Variants in CCDC102B observed in about 807,000 individuals in gnomAD.
CCDC102B encodes coiled-coil domain containing 102B.
CCDC102B carries 75 observed loss-of-function variants against 57.4 expected under a neutral mutation model. The observed-to-expected ratio is 1.31, with a 90% CI of 1.08 to 1.58. CCDC102B has a LOEUF of 1.58. Ranked by LOEUF, CCDC102B falls within the 40% of genes most tolerant of loss-of-function variation. CCDC102B has a pLI of 0.00. For synonymous variants in CCDC102B, 206 were observed against 201.9 expected (o/e 1.02, Z -0.17); for missense variants, 636 against 582.6 (o/e 1.09, Z -0.94).
intron 5 of CCDC102B, among the ~76,000 whole-genome samples, chr18:68,888,736 A>T (rs1403814541): frequency 6.6e-6 from 1 of 152,192 alleles, no homozygotes; most frequent in Non-Finnish European, 1.5e-5. Context: ...TCATATCAAG[A>T]GAAACAATGC....
upstream of CCDC102B, among the ~76,000 whole-genome samples, chr18:68,796,843 A>ATGTG (rs35894372): frequency 0.068 from 9,931 of 147,024 alleles, 543 homozygotes; most frequent in African/African-American, 0.16. Flanking sequence ...ATGTACATGC[A>ATGTG]TGTGTGTGTG....
intron 2 of CCDC102B, among the ~76,000 whole-genome samples, chr18:68,723,349 C>T (rs775220604): frequency 5.3e-5 from 8 of 152,130 alleles, no homozygotes; most frequent in Non-Finnish European, 7.4e-5. Flanking sequence ...TCTCACCTTT[C>T]AAAACACAAT....
At chr18:68,731,135 C>A (rs7237743) in intron 2 of CCDC102B, among the ~76,000 whole-genome samples, 1 of 151,976 alleles carries the variant, frequency 6.6e-6, no homozygotes, top group Non-Finnish European at 1.5e-5. Flanking sequence ...TACAGACATG[C>A]GCCACCACCC....
chr18:69,022,224 A>ATATATATATATAT (rs1568131201), intron 7 of CCDC102B, among the ~76,000 whole-genome samples: 4 of 111,774 alleles, frequency 3.6e-5, no homozygotes, highest in Admixed American at 1.8e-4. Context: ...TATATATATA[A>ATATATATATATAT]CACACACACA....
rs758634722 is a variant in CCDC102B, at chr18:68,915,318, G to T, written c.1263+17890G>T. 1.1e-4 allele frequency among the ~76,000 whole-genome samples: 16 copies of T among 152,146 alleles called. 1 individual carries two copies. Among genetic ancestry groups the T allele is most frequent in the Admixed American group, 2.0e-4 (3 of 15,278 alleles). On this transcript the variant is annotated intron_variant, in intron 6 of 7. Coordinates refer to ENST00000360242, the MANE Select transcript of CCDC102B (RefSeq NM_024781.3). ...TAGCATATGGACACATGATTAACTG[G>T]CTGGGTATGTATGACAAAAATAATT...
chr18:69,027,479 A>G (rs191702948), intron 7 of CCDC102B, among the ~76,000 whole-genome samples: 1 of 152,220 alleles, frequency 6.6e-6, no homozygotes, highest in African/African-American at 2.4e-5. Context: ...CAGAAATGAA[A>G]TTTTCCATAT....
chr18:69,044,702 A>G (rs2052516075), intron 7 of CCDC102B, among the ~76,000 whole-genome samples: 1 of 152,168 alleles, frequency 6.6e-6, no homozygotes, highest in Non-Finnish European at 1.5e-5. Flanking sequence ...ACGTGACTTC[A>G]TGACTGTTTA....
At chr18:68,887,999 G>C (rs1244614286) in intron 5 of CCDC102B, among the ~76,000 whole-genome samples, 3 of 152,158 alleles carry the variant, frequency 2.0e-5, no homozygotes, top group African/African-American at 7.2e-5. Context: ...GTATGCTTTA[G>C]TTTATGGCAC....
At chr18:68,722,205 C>A (rs976265219) in intron 2 of CCDC102B, among the ~76,000 whole-genome samples, 1 of 152,164 alleles carries the variant, frequency 6.6e-6, no homozygotes, top group Non-Finnish European at 1.5e-5. Flanking sequence ...TGGCTGCTAT[C>A]TTTGCGGGGA....
At position 68,837,370 on chromosome 18, in the gene CCDC102B, G is replaced by A. The variant is rs1599542774; in HGVS notation, c.606+1G>A. On this transcript the variant is annotated splice_donor_variant, in intron 2 of 7. Coordinates refer to ENST00000360242, the MANE Select transcript of CCDC102B (RefSeq NM_024781.3). LOFTEE classifies it high-confidence loss of function. ...TACAAAGGAGGACACAAATAATAAG[G>A]TAAGAAAAAAATCCAGAGATGATGT... 6.3e-7 allele frequency: 1 copy of A among 1,597,112 alleles called. No individual in the cohort carries two copies. The highest frequency in any genetic ancestry group is 1.4e-5 in the African/African-American group (1 of 73,904).
intron 6 of CCDC102B, among the ~76,000 whole-genome samples, chr18:68,987,479 T>C (rs1413899003): frequency 6.6e-6 from 1 of 152,124 alleles, no homozygotes; most frequent in African/African-American, 2.4e-5. Context: ...AGGAAACACC[T>C]TTCTCAGCGT....
chr18:68,880,415 G>C (rs2039649828), intron 5 of CCDC102B, among the ~76,000 whole-genome samples: 2 of 152,214 alleles, frequency 1.3e-5, no homozygotes, highest in Non-Finnish European at 2.9e-5. Context: ...GCCGGCTCCA[G>C]CCTTGGCCAG....
intron 4 of CCDC102B, among the ~76,000 whole-genome samples, chr18:68,869,435 A>G (rs753736559): frequency 2.0e-5 from 3 of 152,216 alleles, no homozygotes; most frequent in Non-Finnish European, 2.9e-5. Context: ...GCAGAACTGA[A>G]TATTGTGTGG....
intron 1 of CCDC102B, among the ~76,000 whole-genome samples, chr18:68,716,277 G>A (rs73454069): frequency 0.099 from 13,467 of 135,380 alleles, 1,498 homozygotes; most frequent in African/African-American, 0.28. Context: ...GTCTCTGAAT[G>A]ACCCATATTC....
rs148919625 is a variant in CCDC102B, at chr18:68,877,341, G to C, written c.1053+2556G>C. On this transcript the variant is annotated intron_variant, in intron 5 of 7. Transcript: ENST00000360242. Reference sequence around the variant, plus strand: ...TTCTTTAGAAAGTCTGCATATTTTAGTGCCAACCTCAACACATCTAGTGTT... The same window carrying C: ...TTCTTTAGAAAGTCTGCATATTTTACTGCCAACCTCAACACATCTAGTGTT... Among the ~76,000 whole-genome samples the C allele has an allele frequency of 4.2e-3, 635 of 152,274 alleles. 4 individuals are homozygous for C. The highest frequency in any genetic ancestry group is 0.014 in the African/African-American group (581 of 41,558).
intron 1 of CCDC102B, among the ~76,000 whole-genome samples, chr18:68,829,139 C>T (rs1306825932): frequency 2.6e-5 from 4 of 151,858 alleles, no homozygotes; most frequent in Non-Finnish European, 4.4e-5. Flanking sequence ...TTTGTTGATT[C>T]GATTTATATT....
chr18:68,800,221 G>A (rs1453470608), intron 1 of CCDC102B, among the ~76,000 whole-genome samples: 6 of 152,138 alleles, frequency 3.9e-5, no homozygotes, highest in Non-Finnish European at 7.4e-5. Flanking sequence ...TTCAAATAAT[G>A]TCTTTCTGGC....
At chr18:68,929,235 A>C (rs1014213697) in intron 6 of CCDC102B, among the ~76,000 whole-genome samples, 1 of 151,890 alleles carries the variant, frequency 6.6e-6, no homozygotes, top group African/African-American at 2.4e-5. Context: ...GTCTCTCCCA[A>C]ATTCCACACA....
intron 2 of CCDC102B, chr18:68,838,465 A>T: frequency 1.1e-6 from 1 of 945,832 alleles, no homozygotes. Context: ...GAGAACAAAC[A>T]AGAGTTAAAG....
Sources: gnomAD v4.1 joint callset for allele counts (sites outside exome capture counted in the v4.1 genomes callset) on GRCh38, gnomAD v4.1.1 for gene constraint, MANE v1.5 for transcripts, NCBI Gene and HGNC (gene_info 2026-07-23, HGNC 2026-07-21) for gene names.